Variants in JAK1 observed in about 807,000 individuals in gnomAD.
JAK1 encodes the protein tyrosine-protein kinase JAK1.
JAK1 carries 16 observed loss-of-function variants against 136.6 expected under a neutral mutation model. The ratio of observed to expected loss-of-function variants is 0.12; its 90% CI spans 0.08 to 0.18. The LOEUF is 0.18. Among genes scored for constraint, JAK1 ranks in the 10% least tolerant of loss-of-function variants. The pLI is 1.00. For synonymous variants in JAK1, 492 were observed against 519.5 expected, an observed-to-expected ratio of 0.95 and a Z score of 0.72; for missense variants, 859 against 1,450.1, an observed-to-expected ratio of 0.59 and a Z score of 6.62.
At chr1:65,058,310 G>C (rs1300300829) in intron 1 of JAK1, 2 of 480,800 alleles carry the variant, frequency 4.2e-6, no homozygotes, top group Non-Finnish European at 8.5e-6. Flanking sequence ...CTATGCCCCG[G>C]GAGAAGTATG....
chr1:65,014,938 G>T (rs1646880972), intron 2 of JAK1, among the ~76,000 whole-genome samples: 1 of 152,114 alleles, frequency 6.6e-6, no homozygotes, highest in Non-Finnish European at 1.5e-5. Flanking sequence ...ACCCGCCTCG[G>T]CCTCCCAAAG....
At chr1:65,010,165 C>T (rs991774355) in intron 2 of JAK1, among the ~76,000 whole-genome samples, 4 of 152,168 alleles carry the variant, frequency 2.6e-5, no homozygotes, top group Non-Finnish European at 1.5e-5. Flanking sequence ...TTGCCCTCCC[C>T]TTGGGTATGG....
intron 2 of JAK1, chr1:64,985,540 C>A: frequency 7.3e-7 from 1 of 1,362,122 alleles, no homozygotes; most frequent in Non-Finnish European, 1.0e-6. Flanking sequence ...CCTAATAGCA[C>A]AGGCCATAGG....
rs543986169 is a variant in JAK1 at position 64,954,826 on chromosome 1, T to C, written c.-78+11507A>G. ...TGGATAGCAACTAAAAACAGGCAAA[T>C]AACGTATCTTTGAGCTTTCTAGCAA... On this transcript the variant is annotated intron_variant, in intron 1 of 24. Transcript: ENST00000342505. 7.2e-5 allele frequency among the ~76,000 whole-genome samples: 11 copies of C among 152,254 alleles called. No individual in the cohort carries two copies. In the South Asian group the frequency reaches 2.3e-3, roughly 32 times the overall value.
At chr1:64,839,567 A>G (rs1398609548) in intron 20 of JAK1, 36 bp downstream of exon 20, 3 of 1,595,230 alleles carry the variant, frequency 1.9e-6, no homozygotes, top group Admixed American at 1.7e-5. Flanking sequence ...ACAGTCACCA[A>G]ATCTTTAAAC....
chr1:64,879,714 A>C (rs1399634966), intron 3 of JAK1, among the ~76,000 whole-genome samples: 3 of 152,226 alleles, frequency 2.0e-5, no homozygotes, highest in African/African-American at 7.2e-5. Context: ...TTAATAATAA[A>C]TATACTTCTT....
chr1:64,851,269 A>G (rs1046923591), intron 11 of JAK1, among the ~76,000 whole-genome samples: 6 of 152,196 alleles, frequency 3.9e-5, no homozygotes, highest in Non-Finnish European at 8.8e-5. Flanking sequence ...AAACTGAAAG[A>G]AGTCAGAGAC....
At chr1:64,939,343 T>C (rs1645846746) in intron 1 of JAK1, among the ~76,000 whole-genome samples, 1 of 152,200 alleles carries the variant, frequency 6.6e-6, no homozygotes, top group African/African-American at 2.4e-5. Context: ...TTACCATGCA[T>C]AACACAGGAC....
intron 1 of JAK1, among the ~76,000 whole-genome samples, chr1:65,056,776 T>A (rs1647558827): frequency 6.6e-6 from 1 of 151,728 alleles, no homozygotes; most frequent in Non-Finnish European, 1.5e-5. Context: ...AATACAAAAT[T>A]ACATGGGCAT....
intron 1 of JAK1, chr1:65,066,723 C>G (rs1648062157): frequency 6.5e-6 from 1 of 152,804 alleles, no homozygotes; most frequent in Admixed American, 6.5e-5. Context: ...GCGGGGACTC[C>G]GGTCTTCCTC....
At chr1:65,008,010 G>T (rs1297626525) in intron 2 of JAK1, among the ~76,000 whole-genome samples, 1 of 152,164 alleles carries the variant, frequency 6.6e-6, no homozygotes, top group Non-Finnish European at 1.5e-5. Flanking sequence ...CTCCCAAAGT[G>T]TTGGGATTAC....
At chr1:65,019,595 A>G (rs530821720) in intron 2 of JAK1, among the ~76,000 whole-genome samples, 28 of 152,244 alleles carry the variant, frequency 1.8e-4, no homozygotes, top group African/African-American at 6.7e-4. Context: ...TGTAGCAAAC[A>G]TCATGCAAAA....
chr1:64,966,741 C>A (rs11582202), upstream of JAK1, among the ~76,000 whole-genome samples: 6,356 of 150,746 alleles, frequency 0.042, 239 homozygotes, highest in Admixed American at 0.14. Flanking sequence ...TGCCCCCACT[C>A]GTCTCTGTTC....
Position 64,930,853 on chromosome 1 carries a change from A to T in JAK1, c.-78+35480T>A, listed in dbSNP as rs540812118. 1.4e-4 allele frequency among the ~76,000 whole-genome samples: 21 copies of T among 152,302 alleles called. 1 individual carries two copies. The South Asian group carries it at 3.9e-3, about 29-fold the overall frequency. ...ATGAGTTCATGTCTTTTGCAGGGAC[A>T]TGGATGAAGCTGGAAATCATCATTC... is the stretch of plus-strand genomic sequence containing the variant. On this transcript the variant is annotated intron_variant, in intron 1 of 24. Coordinates refer to ENST00000342505, the MANE Select transcript of JAK1 (RefSeq NM_002227.4).
intron 2 of JAK1, among the ~76,000 whole-genome samples, chr1:65,000,531 C>T (rs1646745829): frequency 6.6e-6 from 1 of 151,692 alleles, no homozygotes; most frequent in Non-Finnish European, 1.5e-5. Flanking sequence ...CAAAGCTGCA[C>T]ACTCCAGTCC....
At chr1:64,912,854 T>C (rs1020380439) in intron 1 of JAK1, among the ~76,000 whole-genome samples, 1 of 152,188 alleles carries the variant, frequency 6.6e-6, no homozygotes, top group African/African-American at 2.4e-5. Flanking sequence ...AGTGTGTGAT[T>C]TGGGGCTTTG....
chr1:64,955,570 G>A lies in JAK1; in HGVS notation c.-78+10763C>T, dbSNP rs6673298. 1.0e-2 allele frequency among the ~76,000 whole-genome samples: 1,517 copies of A among 152,304 alleles called. 28 individuals carry two copies. Among genetic ancestry groups the A allele is most frequent in the African/African-American group, 0.035 (1,454 of 41,552 alleles). On this transcript the variant is annotated intron_variant, in intron 1 of 24. Coordinates refer to ENST00000342505, the MANE Select transcript of JAK1 (RefSeq NM_002227.4). ...GCTAGAAAGTTAAACTGAGGTTTTA[G>A]CATAAGGAACCTTTACTATCAGACT... is the stretch of plus-strand genomic sequence containing the variant.
At chr1:64,928,398 C>A (rs1645619364) in intron 1 of JAK1, among the ~76,000 whole-genome samples, 2 of 152,144 alleles carry the variant, frequency 1.3e-5, no homozygotes, top group Non-Finnish European at 1.5e-5. Context: ...CTGGGGACCC[C>A]AAAATCACGC....
At chr1:64,978,868 A>C (rs1239433828) in intron 2 of JAK1, among the ~76,000 whole-genome samples, 6 of 152,092 alleles carry the variant, frequency 3.9e-5, no homozygotes, top group African/African-American at 9.7e-5. Context: ...AAAAAAAAAA[A>C]AACTTAGGGT....
Sources: gnomAD v4.1 joint callset for allele counts (sites outside exome capture counted in the v4.1 genomes callset) on GRCh38, gnomAD v4.1.1 for gene constraint, MANE v1.5 for transcripts, NCBI Gene and HGNC (gene_info 2026-07-23, HGNC 2026-07-21) for gene names.